PLA2R1: variants seen among roughly 807,000 people sequenced by gnomAD.
PLA2R1 encodes the protein phospholipase A2 receptor 1.
PLA2R1 carries 158 observed loss-of-function variants against 195.9 expected under a neutral mutation model. That is an observed-to-expected ratio of 0.81 (90% confidence interval 0.71 to 0.92). The LOEUF is 0.92. Ranked by LOEUF, PLA2R1 falls within the 40% of genes least tolerant of loss-of-function variation. The pLI is 0.00. For missense variants in PLA2R1, 1,626 were observed against 1,764.6 expected (o/e 0.92, Z 1.41); for synonymous variants, 586 against 598.2 (o/e 0.98, Z 0.30).
chr2:159,930,871 C>T (rs974520742), downstream of PLA2R1, among the ~76,000 whole-genome samples: 3 of 152,254 alleles, frequency 2.0e-5, no homozygotes, highest in African/African-American at 7.2e-5. Flanking sequence ...ACTCCTTCCT[C>T]AGCACCTCCG....
chr2:160,060,411 A>C (rs1293911793), intron 1 of PLA2R1, among the ~76,000 whole-genome samples: 1 of 152,166 alleles, frequency 6.6e-6, no homozygotes, highest in African/African-American at 2.4e-5. Flanking sequence ...ATTGACAGTA[A>C]AAACTTGACT....
chr2:160,053,350 G>T (rs894668495), intron 1 of PLA2R1, among the ~76,000 whole-genome samples: 15 of 9,550 alleles, frequency 1.6e-3, no homozygotes, highest in African/African-American at 3.8e-3. Flanking sequence ...GAATTTGGTG[G>T]GGGGGGGGGG....
intron 1 of PLA2R1, among the ~76,000 whole-genome samples, chr2:160,052,020 C>G (rs1459837270): frequency 2.0e-5 from 3 of 152,176 alleles, no homozygotes; most frequent in African/African-American, 7.2e-5. Flanking sequence ...TTTCCCTGTC[C>G]TAGCATTGTC....
At chr2:160,042,312 C>T (rs2105593591) in intron 2 of PLA2R1, 114 bp from the exon 3 acceptor site, 2 of 804,178 alleles carry the variant, frequency 2.5e-6, no homozygotes, top group East Asian at 5.3e-5. Context: ...GGCAGATACT[C>T]ACTACAGCAG....
chr2:160,019,811 GT>G (rs144246951), intron 8 of PLA2R1, among the ~76,000 whole-genome samples: 10,609 of 151,552 alleles, frequency 0.07, 608 homozygotes, highest in East Asian at 0.2. Flanking sequence ...CTCTCTGAGA[GT>G]TTTTTTTTAA....
rs199595301 is a variant in PLA2R1, at chr2:160,016,475, G to GGA, written c.1551+138_1551+139insTC. ...AAAAAAAGAGGAAAGGAAAGAAGGG[G>GGA]GGGGTGCGAGGAGAGAGAGAGAGAT... On this transcript the variant is annotated intron_variant, in intron 9 of 29. Transcript: ENST00000283243. 3,002 of 586,222 alleles carry GGA rather than the reference G, an allele frequency of 5.1e-3. 92 individuals carry two copies. In the African/African-American group the frequency reaches 0.057, roughly 11 times the overall value. 36.3% of individuals were successfully genotyped at this position (586,222 alleles called of 1,614,324 possible).
chr2:159,971,144 A>G (rs1689143182), intron 17 of PLA2R1, among the ~76,000 whole-genome samples: 1 of 152,214 alleles, frequency 6.6e-6, no homozygotes, highest in South Asian at 2.1e-4. Flanking sequence ...ACATGGACAC[A>G]TTTCAAAATA....
chr2:159,952,439 T>C (rs1053949849), intron 23 of PLA2R1, among the ~76,000 whole-genome samples: 1 of 152,222 alleles, frequency 6.6e-6, no homozygotes, highest in African/African-American at 2.4e-5. Context: ...TAGGATAGAC[T>C]AAAGGTTTAG....
chr2:159,988,567 G>A (rs1172273099), intron 11 of PLA2R1, among the ~76,000 whole-genome samples: 1 of 152,208 alleles, frequency 6.6e-6, no homozygotes, highest in East Asian at 1.9e-4. Flanking sequence ...TGACATTTGA[G>A]CTGAATTTTG....
At position 159,999,592 on chromosome 2, in the gene PLA2R1, C is replaced by T. The variant is rs1389718004; in HGVS notation, c.1834+6060G>A. Among the ~76,000 whole-genome samples the T allele has an allele frequency of 9.2e-4, 4 of 4,328 alleles. 2 individuals carry two copies. Among genetic ancestry groups the T allele is most frequent in the African/African-American group, 5.7e-3 (2 of 350 alleles). 2.8% of individuals were successfully genotyped at this position (4,328 alleles called of 152,430 possible). A position where few individuals can be genotyped will look rare whatever the true frequency, so the allele number is the denominator to read the frequency against. ...TTCTAGCCGGGATGGTCTCGATCTC[C>T]TGACCTCGTGATCCGCCCGCCTCGG... is the stretch of plus-strand genomic sequence containing the variant. On this transcript the variant is annotated intron_variant, in intron 11 of 29. Transcript: ENST00000283243.
Position 159,987,232 on chromosome 2 carries a change from T to A in PLA2R1, c.1961A>T (p.Glu654Val). The A allele has an allele frequency of 6.2e-7, 1 of 1,613,070 alleles. No homozygotes were observed. Among genetic ancestry groups the A allele is most frequent in the Non-Finnish European group, 8.5e-7 (1 of 1,179,918 alleles). The change falls in exon 12 of 30, where the codon GAG becomes GTG. Residue 654 changes from glutamate (E) to valine (V), a missense_variant. Glu to Val is a moderately radical substitution (Grantham distance 121). Transcript: ENST00000283243. ...GTGAAAGGGCCATCTCTCTTCATAC[T>A]CTGCTTTTTCCTGATTTTCAACTGG... ...KQPVENQEKAEYEERWPFHPC... is the reference protein window; with the variant it reads ...KQPVENQEKAVYEERWPFHPC...
chr2:159,971,943 G>A (rs1463645550), intron 17 of PLA2R1, among the ~76,000 whole-genome samples: 1 of 152,134 alleles, frequency 6.6e-6, no homozygotes, highest in Non-Finnish European at 1.5e-5. Flanking sequence ...TCGTGGACAT[G>A]TTCTTACAGG....
At chr2:160,026,986 A>G (rs910839266) in intron 6 of PLA2R1, among the ~76,000 whole-genome samples, 3 of 152,148 alleles carry the variant, frequency 2.0e-5, no homozygotes, top group South Asian at 2.1e-4. Context: ...TACAAAAATT[A>G]GCCGGGCGTG....
intron 3 of PLA2R1, among the ~76,000 whole-genome samples, chr2:160,038,656 G>C (rs926250105): frequency 6.6e-6 from 1 of 152,166 alleles, no homozygotes; most frequent in Non-Finnish European, 1.5e-5. Context: ...TATGAGGTAG[G>C]AACTGAGGTC....
intron 8 of PLA2R1, 29 bp from the exon 9 acceptor site, chr2:160,016,741 A>C (rs746500481): frequency 1.3e-5 from 14 of 1,064,740 alleles, no homozygotes; most frequent in Non-Finnish European, 1.9e-5. Flanking sequence ...CAAGAGAATG[A>C]ATACACTCTG....
At position 160,013,770 on chromosome 2, in the gene PLA2R1, A is replaced by T. The variant is rs1692551458; in HGVS notation, c.1552-395T>A. Among the ~76,000 whole-genome samples the T allele has an allele frequency of 2.9e-5, 4 of 138,784 alleles. No individual in the cohort carries two copies. In the South Asian group the frequency reaches 9.1e-4, roughly 32 times the overall value. The allele number at this position is 138,784 out of a possible 152,430, so 91.0% of individuals were successfully genotyped here. A position where few individuals can be genotyped will look rare whatever the true frequency, so the allele number is the denominator to read the frequency against. ...GTGTGTGTCTCTCTCTCTCTGACTT[A>T]CAGAATTTCATATAAATGGTCCCGA... On this transcript the variant is annotated intron_variant, in intron 9 of 29. Transcript: ENST00000283243.
intron 17 of PLA2R1, among the ~76,000 whole-genome samples, chr2:159,973,301 A>C (rs1247713876): frequency 6.6e-6 from 1 of 152,124 alleles, no homozygotes; most frequent in Non-Finnish European, 1.5e-5. Flanking sequence ...TGCAGAAATA[A>C]GAATTTTTTG....
In PLA2R1 at chr2:159,941,758, G is replaced by T; in HGVS notation, c.*20C>A. The T allele has an allele frequency of 7.5e-7, 1 of 1,333,378 alleles. No individual in the cohort carries two copies. Among genetic ancestry groups the T allele is most frequent in the Non-Finnish European group, 1.1e-6 (1 of 927,082 alleles). The allele number at this position is 1,333,378 out of a possible 1,614,324, so 82.6% of individuals were successfully genotyped here. A position where few individuals can be genotyped will look rare whatever the true frequency, so the allele number is the denominator to read the frequency against. ...CTTCTTTACTTACCCTGGTGTCTGTGGCATTCTCTGACCTCATTATTATTG... is the reference window on the plus strand; with the variant it reads ...CTTCTTTACTTACCCTGGTGTCTGTTGCATTCTCTGACCTCATTATTATTG... On this transcript the variant is annotated 3_prime_UTR_variant, in exon 30 of 30. Coordinates refer to ENST00000283243, the MANE Select transcript of PLA2R1 (RefSeq NM_007366.5).
Position 159,933,619 on chromosome 2 carries a change from G to A in PLA2R1, c.*8159C>T, listed in dbSNP as rs1191995911. The A allele has an allele frequency of 6.6e-6, 1 of 152,134 alleles. No homozygotes were observed. Among genetic ancestry groups the A allele is most frequent in the Non-Finnish European group, 1.5e-5 (1 of 68,042 alleles). The allele number at this position is 152,134 out of a possible 1,614,324, so 9.4% of individuals were successfully genotyped here. A position where few individuals can be genotyped will look rare whatever the true frequency, so the allele number is the denominator to read the frequency against. Reference sequence around the variant, plus strand: ...CCCCTGAGACTGAGTTCCATGAGGGGAGAGATGGGGTGTTATTGGTATTTA... The same window carrying A: ...CCCCTGAGACTGAGTTCCATGAGGGAAGAGATGGGGTGTTATTGGTATTTA... On this transcript the variant is annotated 3_prime_UTR_variant, in exon 30 of 30. Transcript: ENST00000283243.
Sources: allele counts gnomAD v4.1 joint callset (sites outside exome capture counted in the v4.1 genomes callset), GRCh38; gene constraint gnomAD v4.1.1; transcripts MANE v1.5; gene names NCBI Gene and HGNC (gene_info 2026-07-23, HGNC 2026-07-21).